Variants in CYP3A4 observed in about 807,000 individuals in gnomAD.
CYP3A4 encodes the protein cytochrome P450 family 3 subfamily A member 4, also known as cytochrome P450 3A4.
In CYP3A4, 41 loss-of-function variants were observed where a neutral mutation model predicts 54.9. The ratio of observed to expected loss-of-function variants is 0.75; its 90% confidence interval spans 0.58 to 0.97. The LOEUF (loss-of-function observed/expected upper bound fraction) is 0.97. Ranked by LOEUF, CYP3A4 falls within the 50% of genes least tolerant of loss-of-function variation. CYP3A4 has a pLI of 0.00. For missense variants in CYP3A4, 510 were observed against 597.3 expected (o/e 0.85, Z 1.52); for synonymous variants, 179 against 205.2 (o/e 0.87, Z 1.09).
intron 1 of CYP3A4, among the ~76,000 whole-genome samples, chr7:99,783,114 T>A (rs1815968281): frequency 6.6e-6 from 1 of 152,238 alleles, no homozygotes; most frequent in South Asian, 2.1e-4. Context: ...TTCTAACCTT[T>A]CTGTGAAAGA....
At chr7:99,782,242 A>T (rs957180555) in intron 1 of CYP3A4, among the ~76,000 whole-genome samples, 1 of 152,234 alleles carries the variant, frequency 6.6e-6, no homozygotes, top group African/African-American at 2.4e-5. Context: ...CCAAGGAATG[A>T]TCTAGGTGAA....
intron 2 of CYP3A4, among the ~76,000 whole-genome samples, chr7:99,779,090 T>C (rs1331148769): frequency 6.6e-6 from 1 of 152,182 alleles, no homozygotes; most frequent in African/African-American, 2.4e-5. Flanking sequence ...AGCATCAGAC[T>C]AGGTTAGGCA....
Position 99,780,081 on chromosome 7 carries a change from C to T in CYP3A4, c.76G>A (p.Gly26Arg). ...TTAAAAAGTCCATGTGAATGGGTTC[C>T]ATATCTACAAAGTGAAACAGAAATC... is the stretch of plus-strand genomic sequence containing the variant. ...AVSLVLLYLY[G>R]THSHGLFKKL... The change falls in exon 2 of 13, where the codon GGA becomes AGA. Residue 26 changes from glycine (G) to arginine (R), a missense_variant. This residue lies in a region of CYP3A4 where 272 missense variants were observed against 274.9 expected (regional missense o/e 0.99). Coordinates refer to ENST00000651514, the MANE Select transcript of CYP3A4 (RefSeq NM_017460.6). 6.2e-7 allele frequency: 1 copy of T among 1,612,708 alleles called. No homozygotes were observed. Among genetic ancestry groups the T allele is most frequent in the Non-Finnish European group, 8.5e-7 (1 of 1,178,928 alleles).
At chr7:99,758,637 T>C (rs556650624) in intron 12 of CYP3A4, among the ~76,000 whole-genome samples, 113 of 152,360 alleles carry the variant, frequency 7.4e-4, no homozygotes, top group Non-Finnish European at 1.5e-3. Flanking sequence ...TTAGGTATGA[T>C]GGCAAACTGT....
rs1815222650 is a variant in CYP3A4 at position 99,758,057 on chromosome 7, C to T, written c.*76G>A. 5 of 1,210,558 alleles carry T rather than the reference C, an allele frequency of 4.1e-6. No individual in the cohort carries two copies. In the Admixed American group the frequency reaches 8.5e-5, roughly 21 times the overall value. The allele number at this position is 1,210,558 out of a possible 1,614,324, so 75.0% of individuals were successfully genotyped here. A position where few individuals can be genotyped will look rare whatever the true frequency, so the allele number is the denominator to read the frequency against. On this transcript the variant is annotated 3_prime_UTR_variant, in exon 13 of 13. Coordinates refer to ENST00000651514, the MANE Select transcript of CYP3A4 (RefSeq NM_017460.6). ...CCCATCTTCATTTCAGAGTTCTATT[C>T]ACAAAGTAATTTGAGGTCTCTGGTG...
At chr7:99,768,205 AATG>A in intron 7 of CYP3A4, 146 bp downstream of exon 7, 1 of 1,003,360 alleles carries the variant, frequency 1.0e-6, no homozygotes, top group Non-Finnish European at 1.4e-6. Context: ...TAAAGTTTAA[AATG>A]ATGATGGTCA....
chr7:99,783,138 T>G (rs1815968944), intron 1 of CYP3A4, among the ~76,000 whole-genome samples: 1 of 152,190 alleles, frequency 6.6e-6, no homozygotes, highest in Non-Finnish European at 1.5e-5. Context: ...AAAATGAGGT[T>G]TATATTTTCT....
At chr7:99,772,517 C>A in intron 4 of CYP3A4, 73 bp downstream of exon 4, 1 of 1,584,136 alleles carries the variant, frequency 6.3e-7, no homozygotes, top group South Asian at 1.1e-5. Context: ...AGGCAACTGT[C>A]TATGAATATA....
At chr7:99,778,220 G>A in intron 2 of CYP3A4, 140 bp from the exon 3 acceptor site, 2 of 638,978 alleles carry the variant, frequency 3.1e-6, no homozygotes, top group Non-Finnish European at 5.4e-6. Context: ...ACGTCATAAA[G>A]GAAATAAGAG....
chr7:99,773,938 G>C (rs1474099784), intron 3 of CYP3A4, among the ~76,000 whole-genome samples: 3 of 151,996 alleles, frequency 2.0e-5, no homozygotes, highest in African/African-American at 7.3e-5. Context: ...CAACAAAATA[G>C]ATAGACTGCT....
At chr7:99,771,374 A>G (rs1815629096) in intron 4 of CYP3A4, among the ~76,000 whole-genome samples, 1 of 152,204 alleles carries the variant, frequency 6.6e-6, no homozygotes, top group Non-Finnish European at 1.5e-5. Context: ...AGTCATTCCA[A>G]CAAAAATGAA....
chr7:99,779,101 C>A (rs545508577), intron 2 of CYP3A4, among the ~76,000 whole-genome samples: 9 of 152,292 alleles, frequency 5.9e-5, no homozygotes, highest in Non-Finnish European at 1.3e-4. Context: ...AGGTTAGGCA[C>A]AAAGGCTCGG....
chr7:99,777,222 A>G (rs1815792642), intron 3 of CYP3A4, among the ~76,000 whole-genome samples: 1 of 152,064 alleles, frequency 6.6e-6, no homozygotes, highest in Non-Finnish European at 1.5e-5. Context: ...GAAGGGTCTG[A>G]GACAACACAT....
chr7:99,781,064 G>A (rs766371740), intron 1 of CYP3A4, among the ~76,000 whole-genome samples: 3 of 152,136 alleles, frequency 2.0e-5, no homozygotes, highest in Non-Finnish European at 4.4e-5. Context: ...GTTTCTCATC[G>A]TTTCACACCA....
chr7:99,778,132 C>T (rs1815821821), intron 2 of CYP3A4, 52 bp from the exon 3 acceptor site: 1 of 1,448,910 alleles, frequency 6.9e-7, no homozygotes, highest in African/African-American at 1.4e-5. Flanking sequence ...TGTACTTAAC[C>T]CTGCCTCTAA....
At chr7:99,768,234 G>A (rs1815524501) in intron 7 of CYP3A4, 120 bp downstream of exon 7, 1 of 1,157,672 alleles carries the variant, frequency 8.6e-7, no homozygotes, top group Non-Finnish European at 1.2e-6. Flanking sequence ...ATCTTCAAAT[G>A]TACTACAAAT....
At chr7:99,761,036 T>C in intron 11 of CYP3A4, 55 bp from the exon 12 acceptor site, 2 of 1,582,538 alleles carry the variant, frequency 1.3e-6, no homozygotes, top group Non-Finnish European at 1.7e-6. Context: ...CCCCTAAGAG[T>C]TACATGTTAG....
chr7:99,768,496 A>C lies in CYP3A4; in HGVS notation c.528T>G (p.Phe176Leu). The C allele has an allele frequency of 6.2e-7, 1 of 1,613,854 alleles. No individual in the cohort carries two copies. The highest frequency in any genetic ancestry group is 8.5e-7 in the Non-Finnish European group (1 of 1,179,906). Reference protein sequence around the residue: ...TGKPVTLKDVFGAYSMDVITS... With the variant: ...TGKPVTLKDVLGAYSMDVITS... ...TGATCACATCCATGCTGTAGGCCCC[A>C]AAGACGCTGAGTGGAGAAAGATGTG... Residue 176 changes from phenylalanine to leucine, a missense_variant, in exon 7 of 13, where the codon TTT (phenylalanine) becomes TTG (leucine). Transcript: ENST00000651514.
Position 99,778,160 on chromosome 7 carries a change from G to A in CYP3A4, c.166-80C>T, listed in dbSNP as rs904889087. On this transcript the variant is annotated intron_variant, in intron 2 of 12. Coordinates refer to ENST00000651514, the MANE Select transcript of CYP3A4 (RefSeq NM_017460.6). ...GCCTCTAATTGGGATGAAAACAGTCGAAGCCAATGAAATCAGACTTGCTGG... is the reference window on the plus strand; with the variant it reads ...GCCTCTAATTGGGATGAAAACAGTCAAAGCCAATGAAATCAGACTTGCTGG... The A allele has an allele frequency of 3.4e-4, 393 of 1,149,564 alleles. 2 individuals are homozygous for A. Among genetic ancestry groups the A allele is most frequent in the Admixed American group, 1.0e-3 (50 of 48,502 alleles). 71.2% of individuals were successfully genotyped at this position (1,149,564 alleles called of 1,614,324 possible).
Sources: allele counts gnomAD v4.1 joint callset (sites outside exome capture counted in the v4.1 genomes callset), GRCh38; gene constraint gnomAD v4.1.1; regional missense constraint gnomAD v4.1.1; transcripts MANE v1.5; gene names NCBI Gene and HGNC (gene_info 2026-07-23, HGNC 2026-07-21).